The following PDS5B variants were observed in gnomAD, a reference collection of about 807,000 sequenced individuals.
PDS5B encodes PDS5 cohesin associated factor B.
PDS5B carries 51 observed loss-of-function variants against 184.1 expected under a neutral mutation model. The observed-to-expected ratio is 0.28, with a 90% CI of 0.22 to 0.35. PDS5B has a LOEUF of 0.35. Among genes scored for constraint, PDS5B ranks in the 10% least tolerant of loss-of-function variants. The pLI is 1.00. For synonymous variants in PDS5B, 566 were observed against 569.2 expected, an observed-to-expected ratio of 0.99 and a Z score of 0.08; for missense variants, 1,180 against 1,723.3, an observed-to-expected ratio of 0.68 and a Z score of 5.58.
chr13:32,711,785 C>T (rs2140897318), intron 19 of PDS5B, among the ~76,000 whole-genome samples: 1 of 152,004 alleles, frequency 6.6e-6, no homozygotes, highest in Non-Finnish European at 1.5e-5. Context: ...GTATTTGTCG[C>T]ACACACATAT....
At chr13:32,696,777 G>C (rs903921569) in intron 14 of PDS5B, 77 bp from the exon 15 acceptor site, 163 of 952,412 alleles carry the variant, frequency 1.7e-4, no homozygotes, top group Admixed American at 3.3e-4. Flanking sequence ...GGTTATGCTT[G>C]TCTAATTTTT....
intron 9 of PDS5B, among the ~76,000 whole-genome samples, chr13:32,676,931 C>CAAAAA (rs1951081909): frequency 5.2e-5 from 1 of 19,050 alleles, no homozygotes; most frequent in African/African-American, 3.4e-4. Flanking sequence ...ACTCTTGTCT[C>CAAAAA]CAAAAAAAAA....
intron 1 of PDS5B, among the ~76,000 whole-genome samples, chr13:32,617,766 T>C (rs2140526215): frequency 6.6e-6 from 1 of 152,302 alleles, no homozygotes; most frequent in Non-Finnish European, 1.5e-5. Context: ...ATGTCAAGTG[T>C]TTATTGGATA....
At chr13:32,639,930 G>A (rs2058628885) in intron 1 of PDS5B, among the ~76,000 whole-genome samples, 1 of 152,156 alleles carries the variant, frequency 6.6e-6, no homozygotes, top group Non-Finnish European at 1.5e-5. Flanking sequence ...ACATGAAACT[G>A]GCAGATGCCG....
intron 1 of PDS5B, among the ~76,000 whole-genome samples, chr13:32,598,400 G>A (rs1314043805): frequency 6.6e-6 from 1 of 151,940 alleles, no homozygotes; most frequent in Non-Finnish European, 1.5e-5. Context: ...ATTATGAATG[G>A]GTGCTGAATT....
Position 32,770,161 on chromosome 13 carries a change from T to C in PDS5B, c.3665T>C (p.Val1222Ala), listed in dbSNP as rs1390575100. The C allele has an allele frequency of 1.9e-6, 3 of 1,613,436 alleles. No individual in the cohort carries two copies. The highest frequency in any genetic ancestry group is 1.7e-4 in the Middle Eastern group (1 of 6,056). ...CCTAGAGGCAGGAAAAAAACGCCCG[T>C]CACAGAACAGGAGGAGAAATTAGGT... ...EKPRGRKKTP[V>A]TEQEEKLGMD... The change falls in exon 32 of 35, where the codon GTC becomes GCC. Residue 1222 changes from valine (V) to alanine (A), a missense_variant. Physicochemically the swap from Val to Ala is moderately conservative, Grantham distance 64. Transcript: ENST00000315596.
intron 19 of PDS5B, among the ~76,000 whole-genome samples, chr13:32,730,981 A>G (rs1038033003): frequency 3.3e-5 from 5 of 152,072 alleles, no homozygotes; most frequent in East Asian, 1.9e-4. Context: ...TTCCAATACT[A>G]TGTTGAATAG....
chr13:32,717,688 A>T (rs9596128), intron 19 of PDS5B, among the ~76,000 whole-genome samples: 44,095 of 126,940 alleles, frequency 0.35, 6,821 homozygotes, highest in Non-Finnish European at 0.41. Flanking sequence ...AATGATCAAT[A>T]AAAAAAAAAA....
rs1398657406 is a variant in PDS5B at position 32,748,281 on chromosome 13, A to G, written c.2736+2181A>G. On this transcript the variant is annotated intron_variant, in intron 24 of 34. Transcript: ENST00000315596. ...CTCTCTTATCCTGTCTTCTCTGTTC[A>G]TATTTTGTCATTTGCCTTTGTTGTT... Among the ~76,000 whole-genome samples, 4 of 152,038 alleles carry G rather than the reference A, an allele frequency of 2.6e-5. No individual in the cohort carries two copies. The South Asian group carries it at 6.2e-4, about 24-fold the overall frequency.
chr13:32,735,465 A>G, intron 21 of PDS5B, 135 bp downstream of exon 21: 1 of 621,792 alleles, frequency 1.6e-6, no homozygotes, highest in Non-Finnish European at 2.7e-6. Flanking sequence ...TGTTTAAAAA[A>G]AATAAGCCTT....
At position 32,773,048 on chromosome 13, in the gene PDS5B, T is replaced by C. The variant is rs1268569057; in HGVS notation, c.4173-141T>C. 6 of 652,788 alleles carry C rather than the reference T, an allele frequency of 9.2e-6. No homozygotes were observed. The East Asian group carries it at 1.2e-4, about 13-fold the overall frequency. 40.4% of individuals were successfully genotyped at this position (652,788 alleles called of 1,614,324 possible). On this transcript the variant is annotated intron_variant, in intron 33 of 34. Transcript: ENST00000315596. ...TTAAATGCTGGTTTAGGATTCAGAATATTAAAGAAATGTTCTTGTCTCATA... is the reference window on the plus strand; with the variant it reads ...TTAAATGCTGGTTTAGGATTCAGAACATTAAAGAAATGTTCTTGTCTCATA...
At chr13:32,750,189 CT>C (rs1334768232) in intron 24 of PDS5B, among the ~76,000 whole-genome samples, 1 of 152,102 alleles carries the variant, frequency 6.6e-6, no homozygotes, top group African/African-American at 2.4e-5. Flanking sequence ...ACTTTGATGA[CT>C]TTTTGAAAAC....
intron 13 of PDS5B, chr13:32,689,983 A>T (rs1951501528): frequency 6.6e-6 from 1 of 152,152 alleles, no homozygotes; most frequent in South Asian, 2.1e-4. Flanking sequence ...TTTAAGCAAA[A>T]ATGAAGAATT....
intron 1 of PDS5B, among the ~76,000 whole-genome samples, chr13:32,630,853 C>T (rs755834181): frequency 1.3e-5 from 2 of 150,608 alleles, no homozygotes; most frequent in African/African-American, 2.4e-5. Flanking sequence ...GGCGCCATCT[C>T]GGCTTACTGT....
At position 32,740,935 on chromosome 13, in the gene PDS5B, G is replaced by C. The variant is rs1010378431; in HGVS notation, c.2407-145G>C. Reference sequence around the variant, plus strand: ...CCTTTTTTTTTTTTTAAAGTAAATAGGGTTAGATGAAGTACTTTAGTCATA... The same window carrying C: ...CCTTTTTTTTTTTTTAAAGTAAATACGGTTAGATGAAGTACTTTAGTCATA... On this transcript the variant is annotated intron_variant, in intron 21 of 34. Transcript: ENST00000315596. 3 of 582,602 alleles carry C rather than the reference G, an allele frequency of 5.1e-6. No homozygotes were observed. The African/African-American group carries it at 5.7e-5, about 11-fold the overall frequency. 36.1% of individuals were successfully genotyped at this position (582,602 alleles called of 1,614,324 possible).
intron 13 of PDS5B, among the ~76,000 whole-genome samples, chr13:32,692,824 A>C (rs919080861): frequency 6.6e-6 from 1 of 152,064 alleles, no homozygotes; most frequent in African/African-American, 2.4e-5. Context: ...TGGTTAATAC[A>C]ATTTTATTAA....
chr13:32,730,239 A>G (rs577159428), intron 19 of PDS5B, among the ~76,000 whole-genome samples: 117 of 152,272 alleles, frequency 7.7e-4, no homozygotes, highest in African/African-American at 2.6e-3. Context: ...CAGGTTTGTC[A>G]AAGATCAGAT....
At position 32,687,184 on chromosome 13, in the gene PDS5B, A is replaced by G; in HGVS notation, c.1254A>G (p.Lys418=). 1 of 1,608,956 alleles carries G rather than the reference A, an allele frequency of 6.2e-7. No homozygotes were observed. Among genetic ancestry groups the G allele is most frequent in the Non-Finnish European group, 8.5e-7 (1 of 1,178,450 alleles). Residue 418 remains lysine (K), a synonymous_variant, in exon 12 of 35, where the codon AAA becomes AAG. Coordinates refer to ENST00000315596, the MANE Select transcript of PDS5B (RefSeq NM_015032.4). ...AMMGLAQIYK[K]YALQSAAGKD... is the part of the protein sequence containing the mutation. ...TGGGACTTGCCCAAATTTATAAGAA[A>G]TATGCTTTACAGTCAGCAGCTGGAA...
intron 19 of PDS5B, among the ~76,000 whole-genome samples, chr13:32,719,786 C>G (rs2140920378): frequency 6.6e-6 from 1 of 150,478 alleles, no homozygotes; most frequent in Admixed American, 6.6e-5. Context: ...ATAAAGACCC[C>G]CCCCCCTTTT....
Sources: allele counts gnomAD v4.1 joint callset (sites outside exome capture counted in the v4.1 genomes callset), GRCh38; gene constraint gnomAD v4.1.1; transcripts MANE v1.5; gene names NCBI Gene and HGNC (gene_info 2026-07-23, HGNC 2026-07-21).